The following RNF216 variants were observed in gnomAD, a reference collection of about 807,000 sequenced individuals.
The protein encoded by RNF216 is ring finger protein 216, also known as E3 ubiquitin-protein ligase RNF216.
Under a neutral mutation model 110.8 loss-of-function variants are expected in RNF216, and 72 were observed. The ratio of observed to expected loss-of-function variants is 0.65; its 90% CI spans 0.54 to 0.79. The LOEUF is 0.79. Ranked by LOEUF, RNF216 falls within the 30% of genes least tolerant of loss-of-function variation. The pLI is 0.00. For missense variants in RNF216, 1,342 were observed against 1,141.2 expected (o/e 1.18, Z -2.54); for synonymous variants, 495 against 407.5 (o/e 1.21, Z -2.59).
chr7:5,638,435 C>T (rs78882576), intron 15 of RNF216, among the ~76,000 whole-genome samples: 5 of 152,116 alleles, frequency 3.3e-5, no homozygotes, highest in African/African-American at 1.2e-4. Flanking sequence ...AGAGGAACTC[C>T]CAGATCAAGT....
At chr7:5,708,410 G>A (rs775662458) in intron 13 of RNF216, among the ~76,000 whole-genome samples, 133 of 152,126 alleles carry the variant, frequency 8.7e-4, no homozygotes, top group Non-Finnish European at 1.8e-3. Context: ...CACTGATGTC[G>A]GGTGCATATA....
At chr7:5,751,771 G>C (rs1332402857) in intron 3 of RNF216, among the ~76,000 whole-genome samples, 5 of 133,282 alleles carry the variant, frequency 3.8e-5, no homozygotes, top group Non-Finnish European at 7.7e-5. Context: ...GAATTTTATG[G>C]AAGGAAGTGT....
At chr7:5,780,652 C>T (rs1797030129) in intron 1 of RNF216, among the ~76,000 whole-genome samples, 1 of 152,112 alleles carries the variant, frequency 6.6e-6, no homozygotes. Context: ...TTGCAGTGAG[C>T]CGGGATCGCG....
At chr7:5,769,681 ACCACT>A (rs1338300359) in intron 1 of RNF216, among the ~76,000 whole-genome samples, 6 of 151,786 alleles carry the variant, frequency 4.0e-5, no homozygotes, top group African/African-American at 1.5e-4. Context: ...CTAAGATCAC[ACCACT>A]GTACTCCAAC....
chr7:5,754,161 T>C (rs79033023), intron 2 of RNF216, among the ~76,000 whole-genome samples: 4,962 of 135,796 alleles, frequency 0.037, 192 homozygotes, highest in African/African-American at 0.11. Context: ...TGTGTGTGTG[T>C]GCGCATTTGT....
intron 3 of RNF216, among the ~76,000 whole-genome samples, chr7:5,746,401 C>G (rs1795032186): frequency 6.6e-6 from 1 of 152,160 alleles, no homozygotes; most frequent in African/African-American, 2.4e-5. Flanking sequence ...TATGGCCAGA[C>G]AGAAATGTGG....
intron 6 of RNF216, 92 bp downstream of exon 6, chr7:5,730,623 C>T: frequency 6.3e-7 from 1 of 1,581,114 alleles, no homozygotes; most frequent in Non-Finnish European, 8.6e-7. Flanking sequence ...CCCAACAAAG[C>T]ACTTTCTTCC....
chr7:5,779,202 T>G (rs968490195), intron 1 of RNF216, among the ~76,000 whole-genome samples: 1 of 152,210 alleles, frequency 6.6e-6, no homozygotes, highest in Non-Finnish European at 1.5e-5. Context: ...CTCTCTCAAC[T>G]ATCCTATTCA....
chr7:5,730,626 T>C (rs34356264), intron 6 of RNF216, 89 bp downstream of exon 6: 19,306 of 1,546,898 alleles, frequency 0.012, 311 homozygotes, highest in African/African-American at 0.073. Context: ...AACAAAGCAC[T>C]TTCTTCCCAC....
chr7:5,652,422 C>A lies in RNF216; in HGVS notation c.2150G>T (p.Arg717Leu). 6.2e-7 allele frequency: 1 copy of A among 1,609,734 alleles called. No homozygotes were observed. The highest frequency in any genetic ancestry group is 8.5e-7 in the Non-Finnish European group (1 of 1,176,110). ...ELAEKDDIKYRTSIEEKMTAA... is the reference protein window; with the variant it reads ...ELAEKDDIKYLTSIEEKMTAA... ...GAATTCTGTTACTCACATAGAGGTACGGTACTTGATGTCGTCTTTTTCAGC... is the reference window on the plus strand; with the variant it reads ...GAATTCTGTTACTCACATAGAGGTAAGGTACTTGATGTCGTCTTTTTCAGC... The change falls in exon 14 of 17, where the codon CGT (arginine) becomes CTT (leucine). Residue 717 changes from arginine to leucine, a missense_variant. By Grantham distance (102) the Arg-to-Leu change is moderately radical. Transcript: ENST00000389902.
At chr7:5,709,687 C>A (rs1236222577) in intron 13 of RNF216, among the ~76,000 whole-genome samples, 2 of 152,202 alleles carry the variant, frequency 1.3e-5, no homozygotes, top group Non-Finnish European at 2.9e-5. Context: ...GAAGCTCCCA[C>A]CAACATGCCA....
At position 5,623,198 on chromosome 7, in the gene RNF216, T is replaced by C. The variant is rs1562763411; in HGVS notation, c.2453-19A>G. 5 of 1,529,100 alleles carry C rather than the reference T, an allele frequency of 3.3e-6. No individual in the cohort carries two copies. Among genetic ancestry groups the C allele is most frequent in the Non-Finnish European group, 3.5e-6 (4 of 1,133,738 alleles). The allele number at this position is 1,529,100 out of a possible 1,614,324, so 94.7% of individuals were successfully genotyped here. A position where few individuals can be genotyped will look rare whatever the true frequency, so the allele number is the denominator to read the frequency against. ...GTGTTCTCTGAAAGGGATGTGGGGATTAGTGGAGAAAAACATTAAACCAAC... is the reference window on the plus strand; with the variant it reads ...GTGTTCTCTGAAAGGGATGTGGGGACTAGTGGAGAAAAACATTAAACCAAC... On this transcript the variant is annotated intron_variant, in intron 16 of 16. Coordinates refer to ENST00000389902, the MANE Select transcript of RNF216 (RefSeq NM_207111.4).
intron 1 of RNF216, among the ~76,000 whole-genome samples, chr7:5,771,621 AC>A (rs1034606950): frequency 6.6e-6 from 1 of 151,806 alleles, no homozygotes; most frequent in African/African-American, 2.4e-5. Flanking sequence ...ACATGGCAAA[AC>A]CCATTTCTAC....
At chr7:5,702,361 T>C (rs1792024613) in intron 13 of RNF216, among the ~76,000 whole-genome samples, 1 of 152,148 alleles carries the variant, frequency 6.6e-6, no homozygotes, top group African/African-American at 2.4e-5. Flanking sequence ...TAAAAAACTA[T>C]TTCCACAGGG....
chr7:5,721,202 G>A (rs375885929), intron 8 of RNF216, 30 bp from the exon 9 acceptor site: 262 of 1,608,336 alleles, frequency 1.6e-4, no homozygotes, highest in Non-Finnish European at 2.2e-4. Context: ...GCAAAAGCAT[G>A]CAGACAACTA....
intron 13 of RNF216, among the ~76,000 whole-genome samples, chr7:5,710,114 C>G (rs1792572672): frequency 6.6e-6 from 1 of 152,208 alleles, no homozygotes; most frequent in Non-Finnish European, 1.5e-5. Context: ...AATACCAGCA[C>G]TTTGGAAGGC....
At chr7:5,772,971 G>A (rs1477779108) in intron 1 of RNF216, among the ~76,000 whole-genome samples, 8 of 151,764 alleles carry the variant, frequency 5.3e-5, no homozygotes, top group Admixed American at 5.3e-4. Flanking sequence ...GTAGACACAG[G>A]GTTTCACCAT....
At chr7:5,674,996 C>CA (rs761427211) in intron 13 of RNF216, among the ~76,000 whole-genome samples, 6 of 151,510 alleles carry the variant, frequency 4.0e-5, no homozygotes, top group Non-Finnish European at 8.8e-5. Flanking sequence ...GACTCTGTCT[C>CA]AAAAAACAAA....
Position 5,741,173 on chromosome 7 carries a change from C to G in RNF216, c.844G>C (p.Gly282Arg). Residue 282 changes from glycine to arginine, a missense_variant, in exon 4 of 17, where the codon GGT becomes CGT. Transcript: ENST00000389902. ...PAFPRPEPQQ[G>R]GISGPSSPQP... is the part of the protein sequence containing the mutation. ...GGAGAAGAGGGGCCTGAAATCCCAC[C>G]TTGCTGGGGTTCCGGCCTTGGAAAA... 1.2e-6 allele frequency: 2 copies of G among 1,614,130 alleles called. No individual in the cohort carries two copies. The highest frequency in any genetic ancestry group is 1.7e-6 in the Non-Finnish European group (2 of 1,180,010).
Sources: gnomAD v4.1 joint callset for allele counts (sites outside exome capture counted in the v4.1 genomes callset) on GRCh38, gnomAD v4.1.1 for gene constraint, MANE v1.5 for transcripts, NCBI Gene and HGNC (gene_info 2026-07-23, HGNC 2026-07-21) for gene names.